The following ELMO2 variants were observed in gnomAD, a reference collection of about 807,000 sequenced individuals.
ELMO2 encodes engulfment and cell motility 2.
Under a neutral mutation model 96.2 loss-of-function variants are expected in ELMO2, and 37 were observed. The ratio of observed to expected loss-of-function variants is 0.38; its 90% CI spans 0.30 to 0.51. The LOEUF is 0.51. Among genes scored for constraint, ELMO2 ranks in the 20% least tolerant of loss-of-function variants. The probability of loss-of-function intolerance (pLI) is 0.88; values close to 1 mark genes in which losing one functional copy is unlikely to be tolerated. For synonymous variants in ELMO2, 315 were observed against 329.4 expected (o/e 0.96, Z 0.47); for missense variants, 561 against 912.6 (o/e 0.61, Z 4.96).
intron 2 of ELMO2, among the ~76,000 whole-genome samples, chr20:46,396,258 C>T (rs1448125632): frequency 6.6e-6 from 1 of 152,184 alleles, no homozygotes; most frequent in Non-Finnish European, 1.5e-5. Flanking sequence ...AGGGGTGGCG[C>T]CATCAATCTC....
intron 21 of ELMO2, 61 bp downstream of exon 21, chr20:46,368,830 G>C (rs1023851062): frequency 4.4e-6 from 7 of 1,583,328 alleles, no homozygotes; most frequent in Non-Finnish European, 6.1e-6. Context: ...GCTCATTCCT[G>C]CCACCAACTG....
At position 46,406,593 on chromosome 20, in the gene ELMO2, G is replaced by C. The variant is rs4810506; in HGVS notation, c.-171C>G. The C allele has an allele frequency of 0.15, 23,645 of 152,806 alleles. 1,972 individuals carry two copies. The highest frequency in any genetic ancestry group is 0.19 in the African/African-American group (8,059 of 41,576). 9.5% of individuals were successfully genotyped at this position (152,806 alleles called of 1,614,324 possible). A position where few individuals can be genotyped will look rare whatever the true frequency, so the allele number is the denominator to read the frequency against. On this transcript the variant is annotated 5_prime_UTR_variant, in exon 1 of 22. Transcript: ENST00000290246. ...AGCTCCTGCTCCCGGGTCTCCGCTC[G>C]GCGGCTCCTCCAGCCTCCGCCCGCC... is the stretch of plus-strand genomic sequence containing the variant.
At position 46,375,209 on chromosome 20, in the gene ELMO2, C is replaced by G; in HGVS notation, c.1065+27G>C. 3 of 1,608,234 alleles carry G rather than the reference C, an allele frequency of 1.9e-6. No individual in the cohort carries two copies. The highest frequency in any genetic ancestry group is 2.5e-6 in the Non-Finnish European group (3 of 1,177,798). Reference sequence around the variant, plus strand: ...ACTTCCCATCAGGGGAGAGGGCCTACCACCGTCTATGCTCTGAGGTACTTA... The same window carrying G: ...ACTTCCCATCAGGGGAGAGGGCCTAGCACCGTCTATGCTCTGAGGTACTTA... On this transcript the variant is annotated intron_variant, in intron 13 of 21. Coordinates refer to ENST00000290246, the MANE Select transcript of ELMO2 (RefSeq NM_133171.5). This position sits in a 1 kb window ranked among gnomAD's most constrained non-coding sequence, Gnocchi z 4.6.
chr20:46,372,785 C>G (rs1439193322), intron 16 of ELMO2: 1 of 152,234 alleles, frequency 6.6e-6, no homozygotes, highest in Non-Finnish European at 1.5e-5. Flanking sequence ...AAGGAAAAAC[C>G]TGTAGGGGAT....
chr20:46,393,555 C>G lies in ELMO2; in HGVS notation c.166G>C (p.Gly56Arg). The G allele has an allele frequency of 1.2e-6, 2 of 1,614,120 alleles. No individual in the cohort carries two copies. Among genetic ancestry groups the G allele is most frequent in the Non-Finnish European group, 1.7e-6 (2 of 1,180,022 alleles). ...PEYYTLRYADGPQLYITEQTR... is the reference protein window; with the variant it reads ...PEYYTLRYADRPQLYITEQTR... Reference sequence around the variant, plus strand: ...TGTTCGGTGATGTACAGCTGAGGACCATCTGCATAACGGAGGGTATAATAC... The same window carrying G: ...TGTTCGGTGATGTACAGCTGAGGACGATCTGCATAACGGAGGGTATAATAC... The change falls in exon 5 of 22, where the codon GGT becomes CGT. Residue 56 changes from glycine to arginine, a missense_variant. Physicochemically the swap from Gly to Arg is moderately radical, Grantham distance 125. Transcript: ENST00000290246.
chr20:46,390,015 T>C (rs1452757867), intron 6 of ELMO2, among the ~76,000 whole-genome samples: 1 of 151,886 alleles, frequency 6.6e-6, no homozygotes, highest in African/African-American at 2.4e-5. Flanking sequence ...TAGCTGGGCA[T>C]GGTGGCATGC....
In ELMO2 at chr20:46,371,394, T is replaced by G. The variant is rs760450272; in HGVS notation, c.1759A>C (p.Asn587His). The G allele has an allele frequency of 4.3e-6, 7 of 1,614,148 alleles. No homozygotes were observed. Among genetic ancestry groups the G allele is most frequent in the Non-Finnish European group, 3.4e-6 (4 of 1,180,054 alleles). The change falls in exon 19 of 22, where the codon AAC becomes CAC. Residue 587 changes from asparagine (N) to histidine (H), a missense_variant. Coordinates refer to ENST00000290246, the MANE Select transcript of ELMO2 (RefSeq NM_133171.5). The surrounding 1 kb of genome is among the most constrained non-coding windows in gnomAD (Gnocchi z 5.9). ...TCAAATGTCACCTCCCCTTGTGGGT[T>G]GTCATCCAAGTCACCATAGTGAAGG... ...KVLHYGDLDD[N>H]PQGEVTFESL...
Position 46,371,699 on chromosome 20 carries a change from GGACACACACTGGAGT to G in ELMO2, c.1581-23_1581-9del. ...ATCTTCTCCCTCAGCTCCCTGGGGT[GGACACACACTGGAGT>G]GAGCGGAAGGTCATGGGGACAGTGG... On this transcript the variant is annotated splice_polypyrimidine_tract_variant and intron_variant, in intron 17 of 21. Coordinates refer to ENST00000290246, the MANE Select transcript of ELMO2 (RefSeq NM_133171.5). This position sits in a 1 kb window ranked among gnomAD's most constrained non-coding sequence, Gnocchi z 5.9. 6.2e-7 allele frequency: 1 copy of G among 1,613,850 alleles called. No individual in the cohort carries two copies. Among genetic ancestry groups the G allele is most frequent in the African/African-American group, 1.3e-5 (1 of 75,020 alleles).
At chr20:46,387,599 G>T in intron 7 of ELMO2, 162 bp from the exon 8 acceptor site, 8 of 214,724 alleles carry the variant, frequency 3.7e-5, no homozygotes, top group Non-Finnish European at 4.5e-5. Flanking sequence ...CCTAGCCAGT[G>T]TAGAGCAGAT....
intron 21 of ELMO2, among the ~76,000 whole-genome samples, chr20:46,367,879 G>A (rs1429681668): frequency 6.6e-6 from 1 of 152,224 alleles, no homozygotes. Flanking sequence ...AAAATCAGAA[G>A]CGAGAGAAGG....
chr20:46,378,219 C>T (rs934060789), intron 11 of ELMO2, among the ~76,000 whole-genome samples: 26 of 152,214 alleles, frequency 1.7e-4, no homozygotes, highest in Non-Finnish European at 3.7e-4. Context: ...TGAAGTCTCA[C>T]TTGACTGTCA....
At chr20:46,399,824 T>G (rs752412803) in intron 1 of ELMO2, among the ~76,000 whole-genome samples, 4 of 152,186 alleles carry the variant, frequency 2.6e-5, no homozygotes. Context: ...TGGTGTTCCC[T>G]CTGCGTCCCA....
rs1224172737 is a variant in ELMO2, at chr20:46,386,288, A to G, written c.526-13T>C. ...CATACCCTGCAATCTAGACCCAGAG[A>G]TGGCACATCAATTGAGAAGCTCAGG... On this transcript the variant is annotated splice_polypyrimidine_tract_variant and intron_variant, in intron 8 of 21. Transcript: ENST00000290246. The G allele has an allele frequency of 6.2e-7, 1 of 1,613,144 alleles. No homozygotes were observed. Among genetic ancestry groups the G allele is most frequent in the South Asian group, 1.1e-5 (1 of 91,054 alleles).
chr20:46,366,711 G>A lies in ELMO2; in HGVS notation c.*649C>T, dbSNP rs1381390674. On this transcript the variant is annotated 3_prime_UTR_variant, in exon 22 of 22. Coordinates refer to ENST00000290246, the MANE Select transcript of ELMO2 (RefSeq NM_133171.5). ...GGCCAGGAGGTCTTTGACTTGCTGG[G>A]ATGAGACTGAGCGCTTGCAGGGAGA... is the stretch of plus-strand genomic sequence containing the variant. The A allele has an allele frequency of 6.6e-6, 1 of 152,652 alleles. No individual in the cohort carries two copies. The highest frequency in any genetic ancestry group is 2.1e-4 in the South Asian group (1 of 4,828). The allele number at this position is 152,652 out of a possible 1,614,324, so 9.5% of individuals were successfully genotyped here.
Position 46,371,275 on chromosome 20 carries a change from T to G in ELMO2, c.1801+77A>C. The G allele has an allele frequency of 7.0e-7, 1 of 1,431,972 alleles. No individual in the cohort carries two copies. 88.7% of individuals were successfully genotyped at this position (1,431,972 alleles called of 1,614,324 possible). A position where few individuals can be genotyped will look rare whatever the true frequency, so the allele number is the denominator to read the frequency against. On this transcript the variant is annotated intron_variant, in intron 19 of 21. Coordinates refer to ENST00000290246, the MANE Select transcript of ELMO2 (RefSeq NM_133171.5). The surrounding 1 kb of genome is among the most constrained non-coding windows in gnomAD (Gnocchi z 5.9). ...ACAGGTACAAGCCCAGATGATCAGCTACAAACAGCTGGACTAGAACTCCTG... is the reference window on the plus strand; with the variant it reads ...ACAGGTACAAGCCCAGATGATCAGCGACAAACAGCTGGACTAGAACTCCTG...
At chr20:46,373,318 C>T in intron 16 of ELMO2, 81 bp downstream of exon 16, 2 of 1,578,230 alleles carry the variant, frequency 1.3e-6, no homozygotes, top group Non-Finnish European at 1.7e-6. Context: ...CTCAGGGATT[C>T]TCCAGGTGCC....
In ELMO2 at chr20:46,376,618, G is replaced by C. The variant is rs2059864203; in HGVS notation, c.808-828C>G. The C allele has an allele frequency of 3.1e-6, 4 of 1,289,002 alleles. No homozygotes were observed. In the South Asian group the frequency reaches 3.7e-5, roughly 12 times the overall value. The allele number at this position is 1,289,002 out of a possible 1,614,324, so 79.8% of individuals were successfully genotyped here. A position where few individuals can be genotyped will look rare whatever the true frequency, so the allele number is the denominator to read the frequency against. ...CTGATCAACCCTTGATTACATTCCT[G>C]TCTCTCACCATCCTGTCCTCACTCC... On this transcript the variant is annotated intron_variant, in intron 11 of 21. Transcript: ENST00000290246.
chr20:46,405,338 T>A (rs1248148973), intron 1 of ELMO2, among the ~76,000 whole-genome samples: 1 of 152,040 alleles, frequency 6.6e-6, no homozygotes, highest in Non-Finnish European at 1.5e-5. Flanking sequence ...TTTACAAGAC[T>A]AAGCCAGGGG....
At position 46,368,849 on chromosome 20, in the gene ELMO2, C is replaced by T. The variant is rs1214158897; in HGVS notation, c.1962+42G>A. 5 of 1,608,048 alleles carry T rather than the reference C, an allele frequency of 3.1e-6. 1 individual carries two copies. The South Asian group carries it at 3.3e-5, about 11-fold the overall frequency. On this transcript the variant is annotated intron_variant, in intron 21 of 21. Coordinates refer to ENST00000290246, the MANE Select transcript of ELMO2 (RefSeq NM_133171.5). ...ATTCCTGCCACCAACTGAAGAGTTACAGAAATAGCTCTGTTGTCTAAGGCA... is the reference window on the plus strand; with the variant it reads ...ATTCCTGCCACCAACTGAAGAGTTATAGAAATAGCTCTGTTGTCTAAGGCA...
Sources: allele counts gnomAD v4.1 joint callset (sites outside exome capture counted in the v4.1 genomes callset), GRCh38; gene constraint gnomAD v4.1.1; non-coding constraint Gnocchi (gnomAD v3.1); transcripts MANE v1.5; gene names NCBI Gene and HGNC (gene_info 2026-07-23, HGNC 2026-07-21).